LARGE1: variants seen among roughly 807,000 people sequenced by gnomAD.
LARGE1 encodes the protein LARGE xylosyl- and glucuronyltransferase 1.
In LARGE1, 43 loss-of-function variants were observed where a neutral mutation model predicts 87.6. The observed-to-expected ratio is 0.49, with a 90% CI of 0.38 to 0.63. LARGE1 has a LOEUF of 0.63. Among genes scored for constraint, LARGE1 ranks in the 30% least tolerant of loss-of-function variants. The pLI is 0.00. For missense variants in LARGE1, 802 were observed against 1,000.2 expected (o/e 0.80, Z 2.67); for synonymous variants, 434 against 394.6 (o/e 1.10, Z -1.18).
intron 11 of LARGE1, among the ~76,000 whole-genome samples, chr22:33,306,450 GACC>G (rs1215668731): frequency 4.6e-5 from 7 of 152,260 alleles, no homozygotes; most frequent in Middle Eastern, 3.4e-3. Flanking sequence ...ATGAAGAGAG[GACC>G]ACTTCTCAGG....
chr22:33,823,882 C>T (rs564894209), intron 1 of LARGE1, among the ~76,000 whole-genome samples: 2 of 152,252 alleles, frequency 1.3e-5, no homozygotes, highest in South Asian at 2.1e-4. Context: ...CACAGTTACC[C>T]GAGAGCACCA....
At chr22:33,711,267 G>A (rs539169125) in intron 2 of LARGE1, among the ~76,000 whole-genome samples, 89 of 152,306 alleles carry the variant, frequency 5.8e-4, no homozygotes, top group African/African-American at 2.1e-3. Context: ...GAAGCGTCCA[G>A]GGGGTCTGCA....
At chr22:33,259,294 A>T (rs760693535) in intron 11 of LARGE1, among the ~76,000 whole-genome samples, 15 of 151,856 alleles carry the variant, frequency 9.9e-5, no homozygotes, top group Non-Finnish European at 1.9e-4. Context: ...AGATTCAATT[A>T]CTATCCACGA....
chr22:33,386,710 G>C lies in LARGE1; in HGVS notation c.893-2406C>G, dbSNP rs888144067. The stretch of plus-strand genomic sequence containing the variant: ...TTTACTCAGATAAACAATGTTGGGG[G>C]GGGTAGAAAGAAAAGAAACATTTAC... On this transcript the variant is annotated intron_variant, in intron 7 of 14. Coordinates refer to ENST00000397394, the MANE Select transcript of LARGE1 (RefSeq NM_133642.5). 1.3e-5 allele frequency among the ~76,000 whole-genome samples: 2 copies of C among 148,754 alleles called. 1 individual carries two copies. The highest frequency in any genetic ancestry group is 3.0e-5 in the Non-Finnish European group (2 of 66,526).
chr22:33,752,511 T>C (rs958043629), intron 2 of LARGE1, among the ~76,000 whole-genome samples: 2 of 152,168 alleles, frequency 1.3e-5, no homozygotes, highest in African/African-American at 2.4e-5. Flanking sequence ...TAAACACCTA[T>C]CATAGATGAA....
At chr22:33,800,495 C>G (rs949564179) in intron 1 of LARGE1, among the ~76,000 whole-genome samples, 1 of 152,176 alleles carries the variant, frequency 6.6e-6, no homozygotes, top group African/African-American at 2.4e-5. Context: ...CCATCACAAT[C>G]AAGATACAGA....
chr22:33,654,413 A>ACT (rs1395659870), intron 2 of LARGE1, among the ~76,000 whole-genome samples: 9 of 152,050 alleles, frequency 5.9e-5, no homozygotes, highest in African/African-American at 2.2e-4. Flanking sequence ...CTCAGCTCTA[A>ACT]CTCTCCGTAG....
rs968516438 is a variant in LARGE1 at position 33,429,837 on chromosome 22, C to T, written c.892+2324G>A. 4.6e-5 allele frequency among the ~76,000 whole-genome samples: 7 copies of T among 152,122 alleles called. No homozygotes were observed. The South Asian group carries it at 8.3e-4, about 18-fold the overall frequency. ...ACTAGTCGTTTGCCAGAGGAAAGCA[C>T]GTGGAACCCCCGTCCCTGGCCCGCT... On this transcript the variant is annotated intron_variant, in intron 7 of 14. Coordinates refer to ENST00000397394, the MANE Select transcript of LARGE1 (RefSeq NM_133642.5).
chr22:33,598,683 T>C (rs2079040774), intron 5 of LARGE1, among the ~76,000 whole-genome samples: 1 of 152,238 alleles, frequency 6.6e-6, no homozygotes. Context: ...TTCATCCATG[T>C]TCCTACAAAG....
intron 3 of LARGE1, among the ~76,000 whole-genome samples, chr22:33,643,806 A>G (rs552657718): frequency 7.9e-5 from 12 of 152,350 alleles, no homozygotes; most frequent in Non-Finnish European, 1.6e-4. Flanking sequence ...AAACTAGGAA[A>G]TCTAGAAGAA....
intron 12 of LARGE1, among the ~76,000 whole-genome samples, chr22:33,303,816 G>T (rs967876314): frequency 2.6e-5 from 4 of 151,128 alleles, no homozygotes; most frequent in South Asian, 2.1e-4. Context: ...GTAGGGGGGG[G>T]GTTTCACCAT....
At chr22:33,661,723 T>A (rs2081128713) in intron 2 of LARGE1, among the ~76,000 whole-genome samples, 1 of 152,108 alleles carries the variant, frequency 6.6e-6, no homozygotes, top group Admixed American at 6.5e-5. Flanking sequence ...GAAATTCAGA[T>A]CTACAGAGAA....
chr22:33,469,774 G>A (rs1052551930), intron 6 of LARGE1, among the ~76,000 whole-genome samples: 37 of 150,860 alleles, frequency 2.5e-4, no homozygotes, highest in Non-Finnish European at 4.3e-4. Context: ...GTTGCAGTCA[G>A]CCAAGATCGC....
At chr22:33,172,850 G>A (rs901114954) in intron 11 of LARGE1, among the ~76,000 whole-genome samples, 3 of 152,130 alleles carry the variant, frequency 2.0e-5, no homozygotes, top group Admixed American at 6.5e-5. Flanking sequence ...CAAGAAATAC[G>A]GGGCTATGTG....
At chr22:33,733,612 G>A (rs2083546429) in intron 2 of LARGE1, 1 of 151,504 alleles carries the variant, frequency 6.6e-6, no homozygotes. Flanking sequence ...AAGAAATCAA[G>A]AGACTAATTT....
In LARGE1 at chr22:33,304,527, T is replaced by C; in HGVS notation, c.1452-20A>G. ...TGGAGCCTGGAAGAGACAGGGAGGG[T>C]GAGCCGCGGGACCTGGGCCATCCAT... On this transcript the variant is annotated intron_variant, in intron 11 of 14. Coordinates refer to ENST00000397394, the MANE Select transcript of LARGE1 (RefSeq NM_133642.5). 2 of 1,557,564 alleles carry C rather than the reference T, an allele frequency of 1.3e-6. No individual in the cohort carries two copies. The highest frequency in any genetic ancestry group is 1.7e-6 in the Non-Finnish European group (2 of 1,152,360).
chr22:33,609,613 T>C (rs2149002697), intron 4 of LARGE1, among the ~76,000 whole-genome samples: 1 of 152,244 alleles, frequency 6.6e-6, no homozygotes, highest in South Asian at 2.1e-4. Context: ...GACATATGGA[T>C]TTTTTTCAAC....
At chr22:33,673,698 T>C (rs1309111109) in intron 2 of LARGE1, among the ~76,000 whole-genome samples, 4 of 152,062 alleles carry the variant, frequency 2.6e-5, no homozygotes, top group African/African-American at 9.7e-5. Flanking sequence ...CATTCTTTTT[T>C]ATTTTTATTT....
intron 6 of LARGE1, among the ~76,000 whole-genome samples, chr22:33,500,048 A>G (rs1250612136): frequency 6.6e-6 from 1 of 152,214 alleles, no homozygotes; most frequent in East Asian, 1.9e-4. Flanking sequence ...TGCTGGGATT[A>G]CAAGGCGTGA....
Sources: gnomAD v4.1 joint callset for allele counts (sites outside exome capture counted in the v4.1 genomes callset) on GRCh38, gnomAD v4.1.1 for gene constraint, MANE v1.5 for transcripts, NCBI Gene and HGNC (gene_info 2026-07-23, HGNC 2026-07-21) for gene names.